ADARB2: variants seen among roughly 807,000 people sequenced by gnomAD.
ADARB2 encodes adenosine deaminase RNA specific B2 (inactive), also known as inactive double-stranded RNA-specific editase B2.
ADARB2 carries 25 observed loss-of-function variants against 62.2 expected under a neutral mutation model. That is an observed-to-expected ratio of 0.40 (90% confidence interval 0.29 to 0.56). The LOEUF (loss-of-function observed/expected upper bound fraction) is 0.56, where lower values mean the gene tolerates loss of function less well. ADARB2 is among the 20% of genes least tolerant of loss of function. The pLI is 0.43. For missense variants in ADARB2, 1,071 were observed against 1,077.4 expected (o/e 0.99, Z 0.08); for synonymous variants, 572 against 500.8 (o/e 1.14, Z -1.90).
chr10:1,696,315 C>A (rs569984325), intron 1 of ADARB2, among the ~76,000 whole-genome samples: 1 of 152,116 alleles, frequency 6.6e-6, no homozygotes, highest in East Asian at 1.9e-4. Flanking sequence ...TATATGTGTG[C>A]ACGTGTGTTT....
At chr10:1,512,280 T>C (rs1455692301) in intron 1 of ADARB2, among the ~76,000 whole-genome samples, 6 of 152,040 alleles carry the variant, frequency 3.9e-5, no homozygotes, top group Non-Finnish European at 7.4e-5. Context: ...CTACACTGGA[T>C]ACTAAGATGT....
At chr10:1,526,867 T>A (rs1832153222) in intron 1 of ADARB2, 1 of 511,410 alleles carries the variant, frequency 2.0e-6, no homozygotes, top group African/African-American at 1.9e-5. Flanking sequence ...GCCACTTCGC[T>A]GCTTGCCTCA....
At position 1,363,122 on chromosome 10, in the gene ADARB2, C is replaced by A; in HGVS notation, c.983G>T (p.Arg328Leu). The A allele has an allele frequency of 1.3e-6, 2 of 1,544,020 alleles. No individual in the cohort carries two copies. Among genetic ancestry groups the A allele is most frequent in the Non-Finnish European group, 1.7e-6 (2 of 1,154,360 alleles). Residue 328 changes from arginine to leucine, a missense_variant, in exon 3 of 10, where the codon CGG becomes CTG. By Grantham distance (102) the Arg-to-Leu change is moderately radical. Transcript: ENST00000381312. ...EGSGRSKKLA[R>L]GQAAQAALQE... ...CAGTGCGGCCTGCGCGGCCTGACCC[C>A]GGGCCAGCTTCTTGCTGCGCCCCGA... is the stretch of plus-strand genomic sequence containing the variant.
intron 7 of ADARB2, among the ~76,000 whole-genome samples, chr10:1,202,648 C>A (rs1192300757): frequency 6.6e-6 from 1 of 152,198 alleles, no homozygotes; most frequent in Non-Finnish European, 1.5e-5. Flanking sequence ...CAGGAAAGGA[C>A]CCCGTGCAGG....
chr10:1,422,837 T>C (rs1832862752), intron 1 of ADARB2, among the ~76,000 whole-genome samples: 1 of 152,164 alleles, frequency 6.6e-6, no homozygotes, highest in South Asian at 2.1e-4. Flanking sequence ...GCGTACCTCC[T>C]ATGGCCACAC....
intron 1 of ADARB2, among the ~76,000 whole-genome samples, chr10:1,724,088 TCA>T (rs1168101217): frequency 1.3e-5 from 2 of 152,310 alleles, no homozygotes; most frequent in South Asian, 2.1e-4. Context: ...CTGTGGTGCC[TCA>T]CAGTGTGACC....
intron 1 of ADARB2, among the ~76,000 whole-genome samples, chr10:1,702,026 T>C (rs1415556899): frequency 2.6e-5 from 4 of 152,070 alleles, no homozygotes; most frequent in Non-Finnish European, 1.5e-5. Flanking sequence ...GAGAAAGAAG[T>C]GGGAGAGAGA....
Position 1,262,903 on chromosome 10 carries a change from T to A in ADARB2, c.1192+8052A>T, listed in dbSNP as rs537695243. Among the ~76,000 whole-genome samples the A allele has an allele frequency of 5.3e-5, 8 of 152,190 alleles. No individual in the cohort carries two copies. The East Asian group carries it at 1.5e-3, about 29-fold the overall frequency. ...AGCCATATGTCCAACAATGATAGAC[T>A]GGTTTAAGAAAATGTGGCACATGTA... is the stretch of plus-strand genomic sequence containing the variant. On this transcript the variant is annotated intron_variant, in intron 4 of 9. Coordinates refer to ENST00000381312, the MANE Select transcript of ADARB2 (RefSeq NM_018702.4).
intron 3 of ADARB2, among the ~76,000 whole-genome samples, chr10:1,344,923 G>A (rs1031654098): frequency 2.0e-5 from 3 of 152,278 alleles, no homozygotes; most frequent in Non-Finnish European, 2.9e-5. Flanking sequence ...TCCGAGCTCC[G>A]TGCATAATGT....
chr10:1,406,914 GC>G (rs1448425079), intron 1 of ADARB2, among the ~76,000 whole-genome samples: 2 of 152,132 alleles, frequency 1.3e-5, no homozygotes, highest in South Asian at 2.1e-4. Context: ...AGGAGCTTAT[GC>G]CCCCCTCGCC....
chr10:1,449,411 G>C (rs926459197), intron 1 of ADARB2, among the ~76,000 whole-genome samples: 1 of 152,084 alleles, frequency 6.6e-6, no homozygotes, highest in African/African-American at 2.4e-5. Context: ...GCATCCCCAT[G>C]GTAAAAGTTC....
intron 1 of ADARB2, among the ~76,000 whole-genome samples, chr10:1,633,498 C>T (rs1343287487): frequency 1.3e-5 from 2 of 149,168 alleles, no homozygotes; most frequent in Admixed American, 1.4e-4. Context: ...GTGAACATCT[C>T]AGGTAAGGGA....
rs1273098158 is a variant in ADARB2, at chr10:1,704,905, G to A, written c.100+32146C>T. ...AGTTTATCATTTGAGCAGGAAAAGG[G>A]TGCAGGGGAGACCATGAGGGCGTGG... is the stretch of plus-strand genomic sequence containing the variant. On this transcript the variant is annotated intron_variant, in intron 1 of 9. Transcript: ENST00000381312. The surrounding 1 kb of genome is among the most constrained non-coding windows in gnomAD (Gnocchi z 5.6). 6.6e-6 allele frequency among the ~76,000 whole-genome samples: 1 copy of A among 152,072 alleles called. No individual in the cohort carries two copies. Among genetic ancestry groups the A allele is most frequent in the Non-Finnish European group, 1.5e-5 (1 of 68,030 alleles).
At chr10:1,418,011 C>T (rs1399775059) in intron 1 of ADARB2, among the ~76,000 whole-genome samples, 4 of 152,156 alleles carry the variant, frequency 2.6e-5, no homozygotes, top group Admixed American at 6.5e-5. Flanking sequence ...CATTTAAAAG[C>T]CGATGAAGGT....
rs1349133891 is a variant in ADARB2, at chr10:1,619,299, AAAAAAAAAAG to A, written c.100+117742_100+117751del. 5.6e-3 allele frequency among the ~76,000 whole-genome samples: 827 copies of A among 147,156 alleles called. 26 individuals carry two copies. The highest frequency in any genetic ancestry group is 0.048 in the Admixed American group (698 of 14,544). The stretch of plus-strand genomic sequence containing the variant: ...CAAATACATTGAAAGTAAAAAAAAA[AAAAAAAAAAG>A]AAAAAATACGCACCATACAATGACT... On this transcript the variant is annotated intron_variant, in intron 1 of 9. Coordinates refer to ENST00000381312, the MANE Select transcript of ADARB2 (RefSeq NM_018702.4).
chr10:1,725,582 G>C (rs11250763), intron 1 of ADARB2, among the ~76,000 whole-genome samples: 3,479 of 152,246 alleles, frequency 0.023, 113 homozygotes, highest in East Asian at 0.13. Context: ...CCACCCAGAA[G>C]AGACGCCCAG....
chr10:1,449,195 G>T (rs1831009107), intron 1 of ADARB2, among the ~76,000 whole-genome samples: 1 of 152,108 alleles, frequency 6.6e-6, no homozygotes. Context: ...AGCCCCACAT[G>T]CTATTATCAA....
intron 1 of ADARB2, among the ~76,000 whole-genome samples, chr10:1,646,772 G>A (rs10903530): frequency 0.47 from 71,067 of 152,090 alleles, 16,809 homozygotes; most frequent in South Asian, 0.53. Flanking sequence ...TGTGTGATGT[G>A]CTATTTGAGG....
At chr10:1,640,695 T>C (rs575336454) in intron 1 of ADARB2, among the ~76,000 whole-genome samples, 1 of 152,272 alleles carries the variant, frequency 6.6e-6, no homozygotes, top group East Asian at 1.9e-4. Context: ...CATAAATGTC[T>C]ATACACTATA....
Sources: allele counts gnomAD v4.1 joint callset (sites outside exome capture counted in the v4.1 genomes callset), GRCh38; gene constraint gnomAD v4.1.1; non-coding constraint Gnocchi (gnomAD v3.1); transcripts MANE v1.5; gene names NCBI Gene and HGNC (gene_info 2026-07-23, HGNC 2026-07-21).